Variants in FAM24B observed in about 807,000 individuals in gnomAD.
The protein encoded by FAM24B is family with sequence similarity 24 member B, also known as protein FAM24B.
FAM24B carries 3 observed loss-of-function variants against 2.3 expected under a neutral mutation model. The observed-to-expected ratio is 1.29, with a 90% confidence interval of 0.59 to 3.32. The LOEUF is 3.32. Ranked by LOEUF, FAM24B falls within the 30% of genes most tolerant of loss-of-function variation. The probability of loss-of-function intolerance (pLI) is 0.03; values close to 1 mark genes in which losing one functional copy is unlikely to be tolerated. For synonymous variants in FAM24B, 36 were observed against 46.3 expected (o/e 0.78, Z 0.90); for missense variants, 98 against 117.2 (o/e 0.84, Z 0.76).
chr10:122,874,136 G>C (rs1269385275), intron 1 of FAM24B, among the ~76,000 whole-genome samples: 1 of 152,200 alleles, frequency 6.6e-6, no homozygotes, highest in East Asian at 1.9e-4. Flanking sequence ...CCAGTGGACA[G>C]ATGGTACAAT....
At chr10:122,868,599 A>T (rs1427313121) in intron 1 of FAM24B, among the ~76,000 whole-genome samples, 1 of 150,828 alleles carries the variant, frequency 6.6e-6, no homozygotes, top group African/African-American at 2.4e-5. Flanking sequence ...CAGAAACTCT[A>T]CAAGCCAGAA....
chr10:122,858,562 AAAAG>A (rs1465054433), intron 1 of FAM24B, among the ~76,000 whole-genome samples: 4 of 152,286 alleles, frequency 2.6e-5, no homozygotes, highest in African/African-American at 9.6e-5. Flanking sequence ...TAATAAAAAA[AAAAG>A]AGTGTCACTG....
chr10:122,870,685 C>T (rs1175686625), intron 1 of FAM24B, among the ~76,000 whole-genome samples: 1 of 152,120 alleles, frequency 6.6e-6, no homozygotes, highest in Non-Finnish European at 1.5e-5. Flanking sequence ...AAGACAAAAA[C>T]CACAAGATTA....
At chr10:122,879,194 G>C (rs1589680743) in intron 1 of FAM24B, among the ~76,000 whole-genome samples, 2 of 152,220 alleles carry the variant, frequency 1.3e-5, no homozygotes, top group African/African-American at 4.8e-5. Flanking sequence ...GTAGGATCAG[G>C]GAGCATCAAA....
chr10:122,867,734 A>G (rs1194352946), intron 1 of FAM24B, among the ~76,000 whole-genome samples: 1 of 152,234 alleles, frequency 6.6e-6, no homozygotes, highest in Non-Finnish European at 1.5e-5. Context: ...GAGGGTCCTG[A>G]GAGTTAGAAG....
Position 122,856,140 on chromosome 10 carries a change from A to T in FAM24B, c.-177-354T>A, listed in dbSNP as rs117534597. On this transcript the variant is annotated intron_variant, in intron 1 of 3. Transcript: ENST00000368898. ...AAAGAATGCCCCTGCTGAAGCAGAG[A>T]GTGTCCAGGTATCCCATTTGAAGGG... Among the ~76,000 whole-genome samples, 18 of 151,704 alleles carry T rather than the reference A, an allele frequency of 1.2e-4. No homozygotes were observed. The East Asian group carries it at 3.5e-3, about 30-fold the overall frequency.
intron 1 of FAM24B, among the ~76,000 whole-genome samples, chr10:122,861,581 C>A (rs192535550): frequency 4.6e-5 from 7 of 152,260 alleles, no homozygotes; most frequent in Admixed American, 4.6e-4. Context: ...CATGGACTAT[C>A]GCCATTTATT....
At chr10:122,854,022 A>T (rs1256630566) in intron 2 of FAM24B, among the ~76,000 whole-genome samples, 2 of 152,204 alleles carry the variant, frequency 1.3e-5, no homozygotes, top group African/African-American at 4.8e-5. Context: ...GGTATCAGAG[A>T]ACCTAGAACC....
chr10:122,875,312 C>G (rs1044152912), intron 1 of FAM24B, among the ~76,000 whole-genome samples: 1 of 152,126 alleles, frequency 6.6e-6, no homozygotes, highest in Non-Finnish European at 1.5e-5. Flanking sequence ...CTTACATTAC[C>G]CATTCACTCT....
At position 122,871,598 on chromosome 10, in the gene FAM24B, G is replaced by A. The variant is rs373260478; in HGVS notation, c.-178+7887C>T. Among the ~76,000 whole-genome samples, 131 of 152,124 alleles carry A rather than the reference G, an allele frequency of 8.6e-4. 2 individuals carry two copies. The East Asian group carries it at 0.011, about 13-fold the overall frequency. Reference sequence around the variant, plus strand: ...TGGTACCAAAACAGAGATATAGACCGATGGAACAGAACAGAGCCCTCAGAA... The same window carrying A: ...TGGTACCAAAACAGAGATATAGACCAATGGAACAGAACAGAGCCCTCAGAA... On this transcript the variant is annotated intron_variant, in intron 1 of 3. Coordinates refer to ENST00000368898, the MANE Select transcript of FAM24B (RefSeq NM_152644.3).
intron 1 of FAM24B, among the ~76,000 whole-genome samples, chr10:122,866,239 T>C (rs1341232914): frequency 6.6e-6 from 1 of 152,120 alleles, no homozygotes; most frequent in African/African-American, 2.4e-5. Flanking sequence ...GAATCAATAC[T>C]AATGGTCCTG....
chr10:122,860,299 C>G lies in FAM24B; in HGVS notation c.-177-4513G>C, dbSNP rs1017667312. On this transcript the variant is annotated intron_variant, in intron 1 of 3. Transcript: ENST00000368898. ...ATAAACTAAATCATATTATACTTAG[C>G]CTTTTGGACCTGGCGTTGTGCACTT... Among the ~76,000 whole-genome samples the G allele has an allele frequency of 2.0e-5, 3 of 152,212 alleles. No individual in the cohort carries two copies. In the East Asian group the frequency reaches 5.8e-4, roughly 29 times the overall value.
At chr10:122,862,699 G>GT (rs1456502111) in intron 1 of FAM24B, among the ~76,000 whole-genome samples, 2 of 152,004 alleles carry the variant, frequency 1.3e-5, no homozygotes, top group Non-Finnish European at 2.9e-5. Context: ...TACAAACTGG[G>GT]TTTTTTAACA....
At chr10:122,869,508 T>C (rs1358344822) in intron 1 of FAM24B, among the ~76,000 whole-genome samples, 5 of 152,126 alleles carry the variant, frequency 3.3e-5, no homozygotes. Flanking sequence ...ACCACACCTA[T>C]TCCAAAATTG....
chr10:122,873,018 C>T (rs1198739207), intron 1 of FAM24B, among the ~76,000 whole-genome samples: 1 of 152,102 alleles, frequency 6.6e-6, no homozygotes, highest in African/African-American at 2.4e-5. Flanking sequence ...AATAAACCAT[C>T]TCCATAACAT....
chr10:122,854,703 G>A (rs1847606997), intron 2 of FAM24B, among the ~76,000 whole-genome samples: 1 of 152,332 alleles, frequency 6.6e-6, no homozygotes, highest in African/African-American at 2.4e-5. Flanking sequence ...GATGGCAAAA[G>A]GTAGGCAGCA....
At chr10:122,853,873 G>A (rs1409735091) in intron 2 of FAM24B, among the ~76,000 whole-genome samples, 5 of 152,198 alleles carry the variant, frequency 3.3e-5, no homozygotes, top group Non-Finnish European at 7.3e-5. Context: ...CCCCATGGGG[G>A]TGACTACTTC....
In FAM24B at chr10:122,850,475, AG is replaced by A. The variant is rs1847511672; in HGVS notation, c.40del (p.Leu14CysfsTer2). ...IAGGILAALL[L>X]LIVVVLCLYF... ...AAGACAGAGCACGACAACTATCAGCAGGAGCAAGGCCGCCAGGATACCACCA... is the reference window on the plus strand; with the variant it reads ...AAGACAGAGCACGACAACTATCAGCAGAGCAAGGCCGCCAGGATACCACCA... On this transcript the variant is annotated frameshift_variant, in exon 3 of 4. Transcript: ENST00000368898. LOFTEE classifies it high-confidence loss of function. The A allele has an allele frequency of 3.7e-6, 6 of 1,614,174 alleles. No individual in the cohort carries two copies. The highest frequency in any genetic ancestry group is 5.1e-6 in the Non-Finnish European group (6 of 1,180,012).
intron 1 of FAM24B, among the ~76,000 whole-genome samples, chr10:122,870,417 T>A (rs1243531044): frequency 6.6e-6 from 1 of 152,060 alleles, no homozygotes; most frequent in Non-Finnish European, 1.5e-5. Flanking sequence ...AAAGAGGGAA[T>A]CCTCCCTAAC....
Sources: allele counts gnomAD v4.1 joint callset (sites outside exome capture counted in the v4.1 genomes callset), GRCh38; gene constraint gnomAD v4.1.1; transcripts MANE v1.5; gene names NCBI Gene and HGNC (gene_info 2026-07-23, HGNC 2026-07-21).